Variants in EYA3 observed in about 807,000 individuals in gnomAD.
The protein encoded by EYA3 is protein phosphatase EYA3.
In EYA3, 39 loss-of-function variants were observed where a neutral mutation model predicts 80.0. That is an observed-to-expected ratio of 0.49 (90% confidence interval 0.38 to 0.64). The LOEUF is 0.64. EYA3 is among the 30% of genes least tolerant of loss of function. EYA3 has a pLI of 0.00. For missense variants in EYA3, 523 were observed against 676.1 expected (o/e 0.77, Z 2.51); for synonymous variants, 206 against 232.8 (o/e 0.88, Z 1.05).
At chr1:28,043,034 G>A (rs28588818) in intron 3 of EYA3, among the ~76,000 whole-genome samples, 1 of 151,666 alleles carries the variant, frequency 6.6e-6, no homozygotes, top group East Asian at 1.9e-4. Context: ...TAGTAGAGAC[G>A]GGGTTTCACC....
intron 3 of EYA3, among the ~76,000 whole-genome samples, chr1:28,043,813 A>G (rs1643903314): frequency 6.6e-6 from 1 of 152,190 alleles, no homozygotes; most frequent in South Asian, 2.1e-4. Context: ...ACTCCTGCCT[A>G]GGCGACACAG....
Position 28,009,969 on chromosome 1 carries a change from C to A in EYA3, c.909+978G>T, listed in dbSNP as rs932549029. On this transcript the variant is annotated intron_variant, in intron 10 of 17. Transcript: ENST00000373871. This position sits in a 1 kb window ranked among gnomAD's most constrained non-coding sequence, Gnocchi z 4.8. ...TGGTAAATTTTATGTATATTTTAGA[C>A]AATTAAAAAATGAGTTATCAGTTTT... 1.3e-5 allele frequency among the ~76,000 whole-genome samples: 2 copies of A among 152,034 alleles called. No individual in the cohort carries two copies. The highest frequency in any genetic ancestry group is 4.8e-5 in the African/African-American group (2 of 41,392).
chr1:27,982,615 CAG>C (rs1372346754), intron 16 of EYA3, among the ~76,000 whole-genome samples: 1 of 151,580 alleles, frequency 6.6e-6, no homozygotes, highest in East Asian at 1.9e-4. Flanking sequence ...TTTTTTGAGA[CAG>C]AGTCTTGCTC....
chr1:28,080,841 C>T (rs968743849), intron 1 of EYA3, among the ~76,000 whole-genome samples: 1 of 152,082 alleles, frequency 6.6e-6, no homozygotes, highest in Non-Finnish European at 1.5e-5. Flanking sequence ...ACCTCCGCCT[C>T]CTGGGTTTAA....
At chr1:27,986,585 C>CA (rs1052157018) in intron 16 of EYA3, among the ~76,000 whole-genome samples, 3 of 151,780 alleles carry the variant, frequency 2.0e-5, no homozygotes, top group African/African-American at 4.8e-5. Context: ...TTAGTAGAGA[C>CA]AGAGTTTCAC....
At chr1:28,004,013 G>C (rs981222969) in intron 11 of EYA3, among the ~76,000 whole-genome samples, 2 of 152,142 alleles carry the variant, frequency 1.3e-5, no homozygotes, top group African/African-American at 4.8e-5. Flanking sequence ...TCAGCCTCTG[G>C]AATTTATTAA....
chr1:28,046,168 A>T (rs1643997704), intron 3 of EYA3, among the ~76,000 whole-genome samples: 2 of 152,174 alleles, frequency 1.3e-5, no homozygotes, highest in Admixed American at 1.3e-4. Context: ...AGTTCTAGAG[A>T]TGAATGGTAG....
chr1:28,060,380 T>G (rs1168153282), intron 1 of EYA3, among the ~76,000 whole-genome samples: 1 of 152,160 alleles, frequency 6.6e-6, no homozygotes, highest in Non-Finnish European at 1.5e-5. Context: ...TCTATCAAGT[T>G]GAATAATGAA....
chr1:28,087,220 A>C (rs547152972), intron 1 of EYA3, among the ~76,000 whole-genome samples: 1 of 152,324 alleles, frequency 6.6e-6, no homozygotes, highest in East Asian at 1.9e-4. Context: ...AGGGAGCACT[A>C]ACCATTATTA....
intron 1 of EYA3, among the ~76,000 whole-genome samples, chr1:28,062,667 T>G (rs1644676010): frequency 6.6e-6 from 1 of 151,120 alleles, no homozygotes; most frequent in African/African-American, 2.4e-5. Flanking sequence ...GGTGTGTGTG[T>G]GTGTGTGTGT....
intron 4 of EYA3, among the ~76,000 whole-genome samples, chr1:28,041,248 C>T (rs2148860455): frequency 6.6e-6 from 1 of 152,256 alleles, no homozygotes; most frequent in East Asian, 1.9e-4. Context: ...CCTGTAATTC[C>T]AGCTATTCGG....
In EYA3 at chr1:28,030,093, T is replaced by G. The variant is rs185877386; in HGVS notation, c.362-2167A>C. ...TTTATTTGCTCCTACTCTGATAAAC[T>G]AGGAGTGATTGAATTTATAGCCAAT... On this transcript the variant is annotated intron_variant, in intron 6 of 17. Coordinates refer to ENST00000373871, the MANE Select transcript of EYA3 (RefSeq NM_001990.4). Among the ~76,000 whole-genome samples the G allele has an allele frequency of 2.3e-4, 35 of 152,316 alleles. No individual in the cohort carries two copies. In the East Asian group the frequency reaches 6.7e-3, roughly 29 times the overall value.
intron 13 of EYA3, among the ~76,000 whole-genome samples, chr1:27,997,056 A>T (rs1640505976): frequency 6.6e-6 from 1 of 151,830 alleles, no homozygotes; most frequent in Non-Finnish European, 1.5e-5. Context: ...CTTTAATGCT[A>T]CTCCACTGAG....
chr1:28,066,658 A>T (rs535293597), intron 1 of EYA3, among the ~76,000 whole-genome samples: 29 of 152,200 alleles, frequency 1.9e-4, no homozygotes, highest in Non-Finnish European at 4.0e-4. Context: ...GTCAATTCAA[A>T]GAAAGCATAA....
intron 1 of EYA3, among the ~76,000 whole-genome samples, chr1:28,073,127 A>ATATATATATATTTTTTTTTTT (rs1553157671): frequency 6.7e-5 from 1 of 14,998 alleles, no homozygotes; most frequent in Non-Finnish European, 1.1e-4. Context: ...ATATATATAT[A>ATATATATATATTTTTTTTTTT]TTTTTTTTTT....
At chr1:28,064,653 T>C (rs911500564) in intron 1 of EYA3, among the ~76,000 whole-genome samples, 3 of 151,842 alleles carry the variant, frequency 2.0e-5, no homozygotes, top group Admixed American at 6.6e-5. Flanking sequence ...TTAGTTTTTA[T>C]TTTTTTTATT....
chr1:28,069,765 T>C (rs1015448059), intron 1 of EYA3, among the ~76,000 whole-genome samples: 5 of 152,182 alleles, frequency 3.3e-5, no homozygotes, highest in African/African-American at 9.7e-5. Context: ...CCAGATCCTG[T>C]GAATGTTCAC....
intron 7 of EYA3, among the ~76,000 whole-genome samples, chr1:28,022,531 G>A (rs940579542): frequency 1.3e-5 from 2 of 152,130 alleles, no homozygotes; most frequent in East Asian, 1.9e-4. Flanking sequence ...ATGGATCAGA[G>A]CTCAAGAAAT....
chr1:28,017,016 C>T lies in EYA3; in HGVS notation c.585+138G>A, dbSNP rs1297744586. 1.2e-5 allele frequency: 8 copies of T among 643,448 alleles called. No homozygotes were observed. In the Middle Eastern group the frequency reaches 7.8e-4, roughly 63 times the overall value. The allele number at this position is 643,448 out of a possible 1,614,324, so 39.9% of individuals were successfully genotyped here. A position where few individuals can be genotyped will look rare whatever the true frequency, so the allele number is the denominator to read the frequency against. ...TAAGATGCCATCCAGGGTCCGAGTTCTGAAGGTATCCAGAAAAAAGTCTCC... is the reference window on the plus strand; with the variant it reads ...TAAGATGCCATCCAGGGTCCGAGTTTTGAAGGTATCCAGAAAAAAGTCTCC... On this transcript the variant is annotated intron_variant, in intron 8 of 17. Transcript: ENST00000373871.
Sources: allele counts gnomAD v4.1 joint callset (sites outside exome capture counted in the v4.1 genomes callset), GRCh38; gene constraint gnomAD v4.1.1; non-coding constraint Gnocchi (gnomAD v3.1); transcripts MANE v1.5; gene names NCBI Gene and HGNC (gene_info 2026-07-23, HGNC 2026-07-21).